Variants in STIL observed in about 807,000 individuals in gnomAD.
STIL encodes the protein STIL centriolar assembly protein.
A neutral mutation model predicts 110.1 loss-of-function variants in STIL; 55 were observed. The ratio of observed to expected loss-of-function variants is 0.50; its 90% CI spans 0.40 to 0.63. The LOEUF is 0.63. Ranked by LOEUF, STIL falls within the 20% of genes least tolerant of loss-of-function variation. STIL has a pLI of 0.00. For missense variants in STIL, 1,358 were observed against 1,530.0 expected, an observed-to-expected ratio of 0.89 and a Z score of 1.87; for synonymous variants, 481 against 530.0, an observed-to-expected ratio of 0.91 and a Z score of 1.27.
At chr1:47,262,241 C>T (rs1268551642) in intron 15 of STIL, among the ~76,000 whole-genome samples, 1 of 152,256 alleles carries the variant, frequency 6.6e-6, no homozygotes, top group East Asian at 1.9e-4. Flanking sequence ...CGCAAATGGA[C>T]AAATCAAATG....
At chr1:47,304,824 C>T in intron 3 of STIL, 65 bp downstream of exon 3, 15 of 1,218,050 alleles carry the variant, frequency 1.2e-5, no homozygotes, top group Non-Finnish European at 1.8e-5. Flanking sequence ...TCAACTTTGC[C>T]TTATACATCT....
chr1:47,286,015 C>T (rs974038580), intron 10 of STIL, among the ~76,000 whole-genome samples: 1 of 151,906 alleles, frequency 6.6e-6, no homozygotes, highest in Non-Finnish European at 1.5e-5. Flanking sequence ...GCTGGGATTA[C>T]AGGCACGCTC....
At chr1:47,270,210 C>G (rs1644779125) in intron 13 of STIL, among the ~76,000 whole-genome samples, 1 of 139,568 alleles carries the variant, frequency 7.2e-6, no homozygotes, top group South Asian at 2.3e-4. Context: ...TGCATTCCAG[C>G]CTGGGCAACT....
chr1:47,262,881 G>T, intron 15 of STIL, 22 bp downstream of exon 15: 1 of 1,608,012 alleles, frequency 6.2e-7, no homozygotes, highest in Non-Finnish European at 8.5e-7. Flanking sequence ...TCAAAAAGAT[G>T]AAATGCTCTA....
At position 47,251,755 on chromosome 1, in the gene STIL, A is replaced by G. The variant is rs766160562; in HGVS notation, c.3248T>C (p.Val1083Ala). Residue 1083 changes from valine (V) to alanine (A), a missense_variant, in exon 17 of 17, where the codon GTC becomes GCC. Coordinates refer to ENST00000371877, the MANE Select transcript of STIL (RefSeq NM_001048166.1). ...ACAATTATTTTGGTTCGATCGAGTG[A>G]CAGACAGTTGTGACAGCTGATTTTC... Reference protein sequence around the residue: ...LNENQLSQLSVTRSNQNNCDP... With the variant: ...LNENQLSQLSATRSNQNNCDP... The G allele has an allele frequency of 1.2e-6, 2 of 1,614,072 alleles. No individual in the cohort carries two copies. The highest frequency in any genetic ancestry group is 3.3e-5 in the Admixed American group (2 of 59,982).
chr1:47,262,676 C>T lies in STIL; in HGVS notation c.2829+227G>A, dbSNP rs116435567. On this transcript the variant is annotated intron_variant, in intron 15 of 16. Transcript: ENST00000371877. ...ATTAGGCATAATATCAATATTTATA[C>T]TTTAAAAATAAAGCTGTGTTTTTCT... Among the ~76,000 whole-genome samples, 471 of 152,120 alleles carry T rather than the reference C, an allele frequency of 3.1e-3. No homozygotes were observed. The highest frequency in any genetic ancestry group is 0.01 in the African/African-American group (427 of 41,484).
chr1:47,266,427 T>C (rs1453753960), intron 14 of STIL, among the ~76,000 whole-genome samples: 1 of 152,202 alleles, frequency 6.6e-6, no homozygotes, highest in Admixed American at 6.5e-5. Flanking sequence ...GCACTTATCA[T>C]AGATCACTGC....
chr1:47,260,288 C>G lies in STIL; in HGVS notation c.3080+1G>C. 6.2e-7 allele frequency: 1 copy of G among 1,611,238 alleles called. No individual in the cohort carries two copies. The highest frequency in any genetic ancestry group is 8.5e-7 in the Non-Finnish European group (1 of 1,179,146). ...CTTTAAAACAAAATTTTAAAAGTTA[C>G]CTGGCGTGATCCACGTTATGTGCAT... On this transcript the variant is annotated splice_donor_variant, in intron 16 of 16. Coordinates refer to ENST00000371877, the MANE Select transcript of STIL (RefSeq NM_001048166.1). LOFTEE classifies it high-confidence loss of function.
At chr1:47,293,631 T>C in intron 7 of STIL, 87 bp from the exon 8 acceptor site, 2 of 1,098,152 alleles carry the variant, frequency 1.8e-6, no homozygotes, top group Non-Finnish European at 2.7e-6. Context: ...AAAGTAGACG[T>C]ATGGCTTTTA....
chr1:47,275,101 G>A (rs1028439711), intron 12 of STIL, among the ~76,000 whole-genome samples: 1 of 151,906 alleles, frequency 6.6e-6, no homozygotes, highest in African/African-American at 2.4e-5. Flanking sequence ...GCAGTGAGCT[G>A]AGCCAGTGCC....
rs1441619920 is a variant in STIL at position 47,289,576 on chromosome 1, T to G, written c.882A>C (p.Ser294=). 4.3e-6 allele frequency: 7 copies of G among 1,613,322 alleles called. No homozygotes were observed. In the Admixed American group the frequency reaches 1.0e-4, roughly 23 times the overall value. The part of the protein sequence containing the change: ...FNSSVQERVF[S]ESGNFIIVLY... ...GAACTATGATGAAATTTCCAGATTCTGAAAAAACCCTGCACAAAAAAAGTC... is the reference window on the plus strand; with the variant it reads ...GAACTATGATGAAATTTCCAGATTCGGAAAAAACCCTGCACAAAAAAAGTC... The change falls in exon 9 of 17, where the codon TCA becomes TCC. Residue 294 remains serine, a synonymous_variant. Coordinates refer to ENST00000371877, the MANE Select transcript of STIL (RefSeq NM_001048166.1).
At position 47,269,709 on chromosome 1, in the gene STIL, T is replaced by C; in HGVS notation, c.2541A>G (p.Ala847=). ...SLPGSASSLK[A]VDIPSFEESN... is the part of the protein sequence containing the mutation. ...TCTCTTCAAAACTGGGAATATCAACTGCTTTTAATGAAGATGCACTACCTG... is the reference window on the plus strand; with the variant it reads ...TCTCTTCAAAACTGGGAATATCAACCGCTTTTAATGAAGATGCACTACCTG... The change falls in exon 14 of 17, where the codon GCA becomes GCG. Residue 847 remains alanine, a synonymous_variant. Transcript: ENST00000371877. 1 of 1,614,212 alleles carries C rather than the reference T, an allele frequency of 6.2e-7. No individual in the cohort carries two copies. The highest frequency in any genetic ancestry group is 1.3e-5 in the African/African-American group (1 of 75,064).
chr1:47,272,200 G>A lies in STIL; in HGVS notation c.2259C>T (p.Ser753=), dbSNP rs774035449. Residue 753 remains serine (S), a synonymous_variant, in exon 13 of 17, where the codon TCC becomes TCT. Coordinates refer to ENST00000371877, the MANE Select transcript of STIL (RefSeq NM_001048166.1). ...LLEAQSLMPC[S]PKTTAVEDTV... is the part of the protein sequence containing the mutation. The stretch of plus-strand genomic sequence containing the variant: ...TGTCTTCAACAGCAGTTGTCTTAGG[G>A]GAACAGGGCATCAGAGACTGTGCTT... The A allele has an allele frequency of 5.0e-6, 8 of 1,614,022 alleles. No individual in the cohort carries two copies. Among genetic ancestry groups the A allele is most frequent in the Non-Finnish European group, 5.9e-6 (7 of 1,180,048 alleles).
chr1:47,289,033 G>A (rs866564165), intron 9 of STIL, among the ~76,000 whole-genome samples: 2 of 130,518 alleles, frequency 1.5e-5, no homozygotes, highest in Middle Eastern at 5.6e-3. Flanking sequence ...CTGCACTCCA[G>A]CCTGGGCAAC....
chr1:47,292,019 CTTGTTTT>C (rs1247648101), intron 8 of STIL, among the ~76,000 whole-genome samples: 47 of 149,538 alleles, frequency 3.1e-4, no homozygotes, highest in African/African-American at 1.1e-3. Context: ...ACCCAGCTAA[CTTGTTTT>C]TTGTTTTTTT....
rs55980086 is a variant in STIL, at chr1:47,268,758, CATAAATAA to C, written c.2615+869_2615+876del. ...GAGCAACAAGAGAGAAACTCCATCT[CATAAATAA>C]ATAAATAAATAAATAAATAAATAAA... On this transcript the variant is annotated intron_variant, in intron 14 of 16. Coordinates refer to ENST00000371877, the MANE Select transcript of STIL (RefSeq NM_001048166.1). Among the ~76,000 whole-genome samples the C allele has an allele frequency of 5.7e-4, 56 of 98,268 alleles. 2 individuals are homozygous for C. The East Asian group carries it at 7.5e-3, about 13-fold the overall frequency. The allele number at this position is 98,268 out of a possible 152,430, so 64.5% of individuals were successfully genotyped here. A position where few individuals can be genotyped will look rare whatever the true frequency, so the allele number is the denominator to read the frequency against.
At chr1:47,298,636 A>G (rs1645709532) in intron 6 of STIL, among the ~76,000 whole-genome samples, 2 of 152,232 alleles carry the variant, frequency 1.3e-5, no homozygotes, top group East Asian at 1.9e-4. Context: ...GAAAAAAAAA[A>G]GGCCTAAAAC....
intron 6 of STIL, among the ~76,000 whole-genome samples, chr1:47,298,460 G>C (rs563824043): frequency 7.2e-5 from 11 of 152,264 alleles, no homozygotes; most frequent in African/African-American, 2.6e-4. Context: ...GCTCTGTGAG[G>C]AAACTCCACC....
chr1:47,313,538 C>G (rs1191090906), intron 1 of STIL, among the ~76,000 whole-genome samples: 1 of 152,068 alleles, frequency 6.6e-6, no homozygotes, highest in South Asian at 2.1e-4. Context: ...CCCTAGTAAA[C>G]CCCCGCCATC....
Sources: allele counts gnomAD v4.1 joint callset (sites outside exome capture counted in the v4.1 genomes callset), GRCh38; gene constraint gnomAD v4.1.1; transcripts MANE v1.5; gene names NCBI Gene and HGNC (gene_info 2026-07-23, HGNC 2026-07-21).